AIMP1: variants seen among roughly 807,000 people sequenced by gnomAD.
AIMP1 encodes aminoacyl tRNA synthase complex-interacting multifunctional protein 1.
In AIMP1, 24 loss-of-function variants were observed where a neutral mutation model predicts 33.1. That is an observed-to-expected ratio of 0.73 (90% confidence interval 0.53 to 1.02). The LOEUF is 1.02. Ranked by LOEUF, AIMP1 falls within the 50% of genes least tolerant of loss-of-function variation. The pLI is 0.00. For missense variants in AIMP1, 367 were observed against 364.8 expected (o/e 1.01, Z -0.05); for synonymous variants, 120 against 121.5 (o/e 0.99, Z 0.08).
intron 4 of AIMP1, among the ~76,000 whole-genome samples, chr4:106,331,256 C>G (rs1196858780): frequency 6.6e-6 from 1 of 152,160 alleles, no homozygotes; most frequent in African/African-American, 2.4e-5. Context: ...TCTCTATTAT[C>G]CTGTTTCGGG....
intron 3 of AIMP1, 88 bp from the exon 4 acceptor site, chr4:106,327,988 A>T: frequency 2.6e-6 from 4 of 1,550,266 alleles, no homozygotes; most frequent in Middle Eastern, 2.2e-4. Flanking sequence ...TCATTTAAAA[A>T]GAGTTCCCAT....
At chr4:106,326,183 C>T (rs1769447819) in intron 2 of AIMP1, among the ~76,000 whole-genome samples, 1 of 152,000 alleles carries the variant, frequency 6.6e-6, no homozygotes, top group Non-Finnish European at 1.5e-5. Context: ...TTATGTGGTA[C>T]TTGATTCATA....
intron 1 of AIMP1, among the ~76,000 whole-genome samples, chr4:106,320,659 T>A (rs201060587): frequency 1.4e-4 from 15 of 107,482 alleles, no homozygotes; most frequent in East Asian, 2.6e-4. Context: ...TGGGACAGAT[T>A]AAAAAAAAAA....
At chr4:106,317,062 CA>C (rs1561017875) in intron 1 of AIMP1, among the ~76,000 whole-genome samples, 2 of 152,108 alleles carry the variant, frequency 1.3e-5, no homozygotes, top group African/African-American at 4.8e-5. Flanking sequence ...ACATACTAAG[CA>C]AAGTAATTAG....
intron 1 of AIMP1, among the ~76,000 whole-genome samples, chr4:106,323,063 T>C (rs948240157): frequency 6.6e-6 from 1 of 152,144 alleles, no homozygotes; most frequent in Non-Finnish European, 1.5e-5. Flanking sequence ...TATTTAGTGT[T>C]TAGTTCATTT....
Position 106,325,101 on chromosome 4 carries a change from T to C in AIMP1, c.92T>C (p.Leu31Pro), listed in dbSNP as rs1561023843. 1.9e-6 allele frequency: 3 copies of C among 1,612,492 alleles called. No homozygotes were observed. Among genetic ancestry groups the C allele is most frequent in the Non-Finnish European group, 2.5e-6 (3 of 1,179,034 alleles). The change falls in exon 2 of 7, where the codon CTA (leucine) becomes CCA (proline). Residue 31 changes from leucine to proline, a missense_variant. Transcript: ENST00000672341. ...GAATATCTTAAGCAGCAAGTTTCTCTACTTAAGGAGAAAGCAAGTAAGAAA... is the reference window on the plus strand; with the variant it reads ...GAATATCTTAAGCAGCAAGTTTCTCCACTTAAGGAGAAAGCAAGTAAGAAA... ...IIEYLKQQVSLLKEKAILQAT... is the reference protein window; with the variant it reads ...IIEYLKQQVSPLKEKAILQAT...
chr4:106,319,782 T>C (rs769083261), intron 1 of AIMP1, among the ~76,000 whole-genome samples: 6 of 152,186 alleles, frequency 3.9e-5, no homozygotes, highest in Non-Finnish European at 7.4e-5. Flanking sequence ...TAAACTGTTT[T>C]AGAGAATACT....
At chr4:106,320,760 C>T (rs1021560664) in intron 1 of AIMP1, among the ~76,000 whole-genome samples, 7 of 152,094 alleles carry the variant, frequency 4.6e-5, no homozygotes, top group Non-Finnish European at 1.0e-4. Flanking sequence ...CTCTCCCTCT[C>T]CCTCTCCCTC....
chr4:106,330,688 A>G (rs1769641985), intron 4 of AIMP1, among the ~76,000 whole-genome samples: 2 of 152,224 alleles, frequency 1.3e-5, no homozygotes, highest in Non-Finnish European at 2.9e-5. Context: ...CCTTGACAAC[A>G]TGGACTGCCC....
At chr4:106,343,732 A>G (rs1046391615) in intron 6 of AIMP1, among the ~76,000 whole-genome samples, 1 of 152,204 alleles carries the variant, frequency 6.6e-6, no homozygotes, top group Non-Finnish European at 1.5e-5. Context: ...TAACTTGAAA[A>G]CAGTACTACA....
intron 6 of AIMP1, among the ~76,000 whole-genome samples, chr4:106,346,663 A>G (rs752478167): frequency 2.0e-5 from 3 of 152,164 alleles, no homozygotes; most frequent in Non-Finnish European, 4.4e-5. Context: ...TCCAGTATTG[A>G]TAAGAAATCT....
chr4:106,341,262 C>T (rs1036121354), intron 6 of AIMP1, among the ~76,000 whole-genome samples: 11 of 152,122 alleles, frequency 7.2e-5, no homozygotes, highest in African/African-American at 2.4e-4. Flanking sequence ...TTAATCAGCT[C>T]CCACTTGTCA....
At chr4:106,324,002 C>G (rs1426443517) in intron 1 of AIMP1, among the ~76,000 whole-genome samples, 7 of 151,952 alleles carry the variant, frequency 4.6e-5, no homozygotes, top group Non-Finnish European at 8.8e-5. Flanking sequence ...ACAGTCACCT[C>G]AAAAATAAAT....
chr4:106,326,986 A>C lies in AIMP1; in HGVS notation c.110-465A>C, dbSNP rs765749293. Among the ~76,000 whole-genome samples, 9 of 152,234 alleles carry C rather than the reference A, an allele frequency of 5.9e-5. No individual in the cohort carries two copies. In the South Asian group the frequency reaches 8.3e-4, roughly 14 times the overall value. On this transcript the variant is annotated intron_variant, in intron 2 of 6. Transcript: ENST00000672341. ...AGAGATGGGTTTTGCCATGTTGCCC[A>C]GGCTGGTCTCAAACTCCTGGGCTCA... is the stretch of plus-strand genomic sequence containing the variant.
intron 4 of AIMP1, among the ~76,000 whole-genome samples, chr4:106,329,366 A>G (rs1769579796): frequency 6.6e-6 from 1 of 152,200 alleles, no homozygotes; most frequent in Non-Finnish European, 1.5e-5. Flanking sequence ...CTGACTCAGG[A>G]TTAATCAGTC....
At chr4:106,347,426 T>C in intron 6 of AIMP1, 100 bp from the exon 7 acceptor site, 1 of 1,163,556 alleles carries the variant, frequency 8.6e-7, no homozygotes, top group South Asian at 2.0e-5. Flanking sequence ...AATCAGAAAA[T>C]GTTGCCAAAA....
rs1381918611 is a variant in AIMP1 at position 106,348,618 on chromosome 4, T to C, written c.*926T>C. The C allele has an allele frequency of 6.6e-6, 1 of 152,118 alleles. No individual in the cohort carries two copies. The highest frequency in any genetic ancestry group is 1.5e-5 in the Non-Finnish European group (1 of 68,014). 9.4% of individuals were successfully genotyped at this position (152,118 alleles called of 1,614,324 possible). A position where few individuals can be genotyped will look rare whatever the true frequency, so the allele number is the denominator to read the frequency against. ...GGTGTCAAATAGCTATTCTCACTCA[T>C]CTTACAAATATTGTAAGAGCAATAA... On this transcript the variant is annotated 3_prime_UTR_variant, in exon 7 of 7. Coordinates refer to ENST00000672341, the MANE Select transcript of AIMP1 (RefSeq NM_001142416.2).
chr4:106,345,679 C>A (rs897566666), intron 6 of AIMP1, among the ~76,000 whole-genome samples: 5 of 151,728 alleles, frequency 3.3e-5, no homozygotes, highest in Non-Finnish European at 7.4e-5. Flanking sequence ...TGAAAGCCTG[C>A]ATGTTAGAAG....
Position 106,349,404 on chromosome 4 carries a change from C to T in AIMP1, c.*1712C>T, listed in dbSNP as rs3109950. On this transcript the variant is annotated 3_prime_UTR_variant, in exon 7 of 7. Coordinates refer to ENST00000672341, the MANE Select transcript of AIMP1 (RefSeq NM_001142416.2). ...GTGAAACCTAAACTGATGATTAAATCGTTCATCAAACCTAGAGATAATAAA... is the reference window on the plus strand; with the variant it reads ...GTGAAACCTAAACTGATGATTAAATTGTTCATCAAACCTAGAGATAATAAA... Among the ~76,000 whole-genome samples the T allele has an allele frequency of 0.062, 9,384 of 151,898 alleles. 549 individuals carry two copies. Among genetic ancestry groups the T allele is most frequent in the East Asian group, 0.28 (1,424 of 5,116 alleles).
Sources: allele counts gnomAD v4.1 joint callset (sites outside exome capture counted in the v4.1 genomes callset), GRCh38; gene constraint gnomAD v4.1.1; transcripts MANE v1.5; gene names NCBI Gene and HGNC (gene_info 2026-07-23, HGNC 2026-07-21).